The following RANBP17 variants were observed in gnomAD, a reference collection of about 807,000 sequenced individuals.
The protein encoded by RANBP17 is RAN binding protein 17.
RANBP17 carries 158 observed loss-of-function variants against 141.2 expected under a neutral mutation model. The observed-to-expected ratio is 1.12, with a 90% confidence interval of 0.98 to 1.28. RANBP17 has a LOEUF of 1.28. Among genes scored for constraint, RANBP17 ranks in the 50% most tolerant of loss-of-function variants. The probability of loss-of-function intolerance (pLI) is 0.00; values close to 1 mark genes in which losing one functional copy is unlikely to be tolerated. For synonymous variants in RANBP17, 430 were observed against 450.0 expected (o/e 0.96, Z 0.56); for missense variants, 1,438 against 1,290.7 (o/e 1.11, Z -1.75).
At chr5:170,953,507 G>T in intron 12 of RANBP17, 90 bp from the exon 13 acceptor site, 1 of 763,762 alleles carries the variant, frequency 1.3e-6, no homozygotes, top group East Asian at 2.6e-5. Flanking sequence ...TGGAAGAACA[G>T]ATCATTGTGC....
At chr5:170,901,655 G>T (rs1348090430) in intron 5 of RANBP17, among the ~76,000 whole-genome samples, 2 of 152,158 alleles carry the variant, frequency 1.3e-5, no homozygotes, top group South Asian at 4.1e-4. Context: ...GCAGTGGCTG[G>T]TACCAGTTTT....
Position 171,271,075 on chromosome 5 carries a change from C to CTTTTTTTTTTTTTTTTTTTTTT in RANBP17, c.2943+5250_2943+5271dup, listed in dbSNP as rs531200106. 22 of 27,540 alleles carry CTTTTTTTTTTTTTTTTTTTTTT rather than the reference C, an allele frequency of 8.0e-4. 8 individuals are homozygous for CTTTTTTTTTTTTTTTTTTTTTT. Among genetic ancestry groups the CTTTTTTTTTTTTTTTTTTTTTT allele is most frequent in the Admixed American group, 3.4e-3 (4 of 1,166 alleles). 1.7% of individuals were successfully genotyped at this position (27,540 alleles called of 1,614,324 possible). ...TTTCTCCCTCCTTTTTATGTTATTTCTTTTTTTTTTTTTTTTTTTTTTTTT... is the reference window on the plus strand; with the variant it reads ...TTTCTCCCTCCTTTTTATGTTATTTCTTTTTTTTTTTTTTTTTTTTTTTTTTTTTTTTTTTTTTTTTTTTTTT... On this transcript the variant is annotated intron_variant, in intron 25 of 27. Coordinates refer to ENST00000523189, the MANE Select transcript of RANBP17 (RefSeq NM_022897.5).
At chr5:171,116,078 T>C (rs952897019) in intron 14 of RANBP17, among the ~76,000 whole-genome samples, 19 of 152,220 alleles carry the variant, frequency 1.2e-4, no homozygotes, top group African/African-American at 4.6e-4. Flanking sequence ...TACTAACTTC[T>C]TGTAGAGAGA....
rs1171744328 is a variant in RANBP17 at position 171,295,905 on chromosome 5, G to T, written c.3061G>T (p.Ala1021Ser). The change falls in exon 27 of 28, where the codon GCA becomes TCA. Residue 1021 changes from alanine (A) to serine (S), a missense_variant. Coordinates refer to ENST00000523189, the MANE Select transcript of RANBP17 (RefSeq NM_022897.5). Reference sequence around the variant, plus strand: ...CCATCAGTATTTCAGTGAACTGAGAGCAAGTTTGATAAACAGCCAGCCCCT... The same window carrying T: ...CCATCAGTATTTCAGTGAACTGAGATCAAGTTTGATAAACAGCCAGCCCCT... Reference protein sequence around the residue: ...LNEKYFSELRASLINSQPLPK... With the variant: ...LNEKYFSELRSSLINSQPLPK... The T allele has an allele frequency of 1.2e-6, 2 of 1,613,456 alleles. No homozygotes were observed. The highest frequency in any genetic ancestry group is 8.5e-7 in the Non-Finnish European group (1 of 1,179,604).
intron 14 of RANBP17, among the ~76,000 whole-genome samples, chr5:171,097,651 T>TAA (rs2127738047): frequency 1.4e-5 from 2 of 147,028 alleles, no homozygotes; most frequent in African/African-American, 5.0e-5. Flanking sequence ...ATTATTATTA[T>TAA]TATACTTTAA....
At chr5:171,210,774 A>G (rs1762832036) in intron 20 of RANBP17, among the ~76,000 whole-genome samples, 1 of 152,104 alleles carries the variant, frequency 6.6e-6, no homozygotes, top group Non-Finnish European at 1.5e-5. Context: ...TGGGAGGCCA[A>G]GGTGGGTGGA....
At chr5:171,216,976 G>A (rs143046696) in intron 21 of RANBP17, among the ~76,000 whole-genome samples, 3 of 152,002 alleles carry the variant, frequency 2.0e-5, no homozygotes, top group East Asian at 3.9e-4. Context: ...AGAAGGCATC[G>A]TTGTCTTGTG....
intron 14 of RANBP17, among the ~76,000 whole-genome samples, chr5:171,166,785 CT>C (rs1759729315): frequency 6.6e-6 from 1 of 152,188 alleles, no homozygotes; most frequent in Non-Finnish European, 1.5e-5. Flanking sequence ...GAGAAACAGT[CT>C]TTTAAAAGAA....
At chr5:171,101,069 A>G (rs1192406930) in intron 14 of RANBP17, among the ~76,000 whole-genome samples, 1 of 152,166 alleles carries the variant, frequency 6.6e-6, no homozygotes, top group Admixed American at 6.5e-5. Flanking sequence ...AGAAGAATGT[A>G]TATTCTGTTG....
intron 14 of RANBP17, among the ~76,000 whole-genome samples, chr5:171,005,476 A>G (rs1779530946): frequency 6.6e-6 from 1 of 152,238 alleles, no homozygotes; most frequent in African/African-American, 2.4e-5. Flanking sequence ...CAAACCTGAC[A>G]AAAACAAGAA....
chr5:170,863,416 T>C (rs922441948), intron 1 of RANBP17: 2 of 135,534 alleles, frequency 1.5e-5, no homozygotes, highest in African/African-American at 5.2e-5. Flanking sequence ...TTGGCTGATT[T>C]ATTGATTCTT....
intron 12 of RANBP17, among the ~76,000 whole-genome samples, chr5:170,952,954 G>C (rs1285039590): frequency 6.6e-6 from 1 of 152,034 alleles, no homozygotes; most frequent in Non-Finnish European, 1.5e-5. Context: ...AACTGTAGAT[G>C]TTGCCATTTG....
chr5:170,871,926 G>A (rs1767760237), intron 1 of RANBP17, among the ~76,000 whole-genome samples: 1 of 152,170 alleles, frequency 6.6e-6, no homozygotes, highest in South Asian at 2.1e-4. Flanking sequence ...CTGTAGCCTT[G>A]CAGTATAGTC....
chr5:171,244,812 T>G (rs1171637639), intron 24 of RANBP17, among the ~76,000 whole-genome samples: 1 of 152,100 alleles, frequency 6.6e-6, no homozygotes, highest in Non-Finnish European at 1.5e-5. Flanking sequence ...TATGTTTTTT[T>G]AACATTGATC....
At chr5:170,953,356 G>A (rs1183152716) in intron 12 of RANBP17, among the ~76,000 whole-genome samples, 2 of 152,114 alleles carry the variant, frequency 1.3e-5, no homozygotes, top group East Asian at 1.9e-4. Flanking sequence ...AGATCACATA[G>A]CAAATTAGTA....
intron 16 of RANBP17, among the ~76,000 whole-genome samples, chr5:171,180,139 G>C (rs1760782998): frequency 6.6e-6 from 1 of 152,154 alleles, no homozygotes; most frequent in African/African-American, 2.4e-5. Context: ...CTCAATCCTG[G>C]ATGTGATGCT....
chr5:171,295,870 A>G lies in RANBP17; in HGVS notation c.3043-17A>G, dbSNP rs758225125. 4 of 1,611,144 alleles carry G rather than the reference A, an allele frequency of 2.5e-6. No individual in the cohort carries two copies. The highest frequency in any genetic ancestry group is 1.7e-4 in the Middle Eastern group (1 of 6,046). On this transcript the variant is annotated splice_polypyrimidine_tract_variant and intron_variant, in intron 26 of 27. Coordinates refer to ENST00000523189, the MANE Select transcript of RANBP17 (RefSeq NM_022897.5). Reference sequence around the variant, plus strand: ...GACTTGGAGTCGGAGCTCTGACACTATTCTGTCTCCCATCAGTATTTCAGT... The same window carrying G: ...GACTTGGAGTCGGAGCTCTGACACTGTTCTGTCTCCCATCAGTATTTCAGT...
intron 5 of RANBP17, among the ~76,000 whole-genome samples, chr5:170,899,393 C>T (rs1425881968): frequency 6.6e-6 from 1 of 152,154 alleles, no homozygotes; most frequent in East Asian, 1.9e-4. Flanking sequence ...GCTGAAGTTG[C>T]TTATCAGCTT....
At chr5:171,076,483 A>G (rs993172276) in intron 14 of RANBP17, among the ~76,000 whole-genome samples, 10 of 152,348 alleles carry the variant, frequency 6.6e-5, no homozygotes, top group African/African-American at 2.4e-4. Flanking sequence ...CAATAATGAA[A>G]TGTGACTACA....
Sources: gnomAD v4.1 joint callset for allele counts (sites outside exome capture counted in the v4.1 genomes callset) on GRCh38, gnomAD v4.1.1 for gene constraint, MANE v1.5 for transcripts, NCBI Gene and HGNC (gene_info 2026-07-23, HGNC 2026-07-21) for gene names.